Variants in SLC9A9 observed in about 807,000 individuals in gnomAD.
SLC9A9 encodes the protein solute carrier family 9 member A9.
A neutral mutation model predicts 77.8 loss-of-function variants in SLC9A9; 62 were observed. The observed-to-expected ratio is 0.80, with a 90% confidence interval of 0.65 to 0.98. The LOEUF (loss-of-function observed/expected upper bound fraction) is 0.98. Among genes scored for constraint, SLC9A9 ranks in the 50% least tolerant of loss-of-function variants. The pLI is 0.00. For missense variants in SLC9A9, 775 were observed against 774.9 expected (o/e 1.00, Z 0.00); for synonymous variants, 320 against 283.5 (o/e 1.13, Z -1.29).
chr3:143,297,772 T>C (rs921154731), intron 14 of SLC9A9, among the ~76,000 whole-genome samples: 2 of 152,252 alleles, frequency 1.3e-5, no homozygotes, highest in Non-Finnish European at 2.9e-5. Context: ...ATGAAATTAA[T>C]TTTCTTTTTG....
intron 6 of SLC9A9, among the ~76,000 whole-genome samples, chr3:143,639,784 C>A (rs943866292): frequency 6.6e-6 from 1 of 152,066 alleles, no homozygotes; most frequent in African/African-American, 2.4e-5. Context: ...ACCATACAAC[C>A]CTCTGATATT....
intron 11 of SLC9A9, among the ~76,000 whole-genome samples, chr3:143,487,092 A>G (rs1421735106): frequency 6.6e-6 from 1 of 152,004 alleles, no homozygotes; most frequent in East Asian, 1.9e-4. Flanking sequence ...AAGATATTCC[A>G]TGAAAATACT....
chr3:143,695,249 A>G (rs55709922), intron 4 of SLC9A9, among the ~76,000 whole-genome samples: 1,577 of 152,220 alleles, frequency 0.01, 33 homozygotes, highest in African/African-American at 0.036. Flanking sequence ...GGTTTGTTAC[A>G]TAAGTATATA....
chr3:143,554,416 C>T (rs2036943655), intron 8 of SLC9A9, among the ~76,000 whole-genome samples: 1 of 152,102 alleles, frequency 6.6e-6, no homozygotes, highest in Non-Finnish European at 1.5e-5. Flanking sequence ...CTAAGTGCAC[C>T]TCTCACTGCA....
At position 143,842,368 on chromosome 3, in the gene SLC9A9, G is replaced by A. The variant is rs561872752; in HGVS notation, c.175+5780C>T. On this transcript the variant is annotated intron_variant, in intron 1 of 15. Coordinates refer to ENST00000316549, the MANE Select transcript of SLC9A9 (RefSeq NM_173653.4). The stretch of plus-strand genomic sequence containing the variant: ...TGTACTCTAGCCTGGGTGACAGAGC[G>A]AGACTCCGTCTCAAAAAAGCAAACA... 3.8e-3 allele frequency among the ~76,000 whole-genome samples: 574 copies of A among 152,216 alleles called. 5 individuals are homozygous for A. The highest frequency in any genetic ancestry group is 0.013 in the African/African-American group (550 of 41,532).
chr3:143,363,355 T>C, intron 14 of SLC9A9, 129 bp downstream of exon 14: 1 of 837,016 alleles, frequency 1.2e-6, no homozygotes. Flanking sequence ...TTTTTATAAG[T>C]TTGGCTGTGA....
rs181965385 is a variant in SLC9A9 at position 143,730,358 on chromosome 3, T to C, written c.534-37051A>G. On this transcript the variant is annotated intron_variant, in intron 4 of 15. Coordinates refer to ENST00000316549, the MANE Select transcript of SLC9A9 (RefSeq NM_173653.4). ...CTCATCTCTTTTTCTGGTTCAGCAT[T>C]CTCTGGTCTTCCCTTATGATGCAGA... is the stretch of plus-strand genomic sequence containing the variant. Among the ~76,000 whole-genome samples, 894 of 152,372 alleles carry C rather than the reference T, an allele frequency of 5.9e-3. 6 individuals are homozygous for C. The highest frequency in any genetic ancestry group is 0.01 in the Non-Finnish European group (695 of 68,044).
chr3:143,815,492 T>C (rs2008981664), intron 2 of SLC9A9, among the ~76,000 whole-genome samples: 2 of 152,058 alleles, frequency 1.3e-5, no homozygotes, highest in East Asian at 1.9e-4. Context: ...TTTGACACAC[T>C]GTGAAGCCCC....
At chr3:143,276,076 C>G (rs1322059919) in intron 14 of SLC9A9, among the ~76,000 whole-genome samples, 1 of 152,100 alleles carries the variant, frequency 6.6e-6, no homozygotes, top group Non-Finnish European at 1.5e-5. Flanking sequence ...CTGCTCAATT[C>G]TAATTCCTCC....
intron 9 of SLC9A9, among the ~76,000 whole-genome samples, chr3:143,505,019 GA>G (rs1327452784): frequency 6.6e-6 from 1 of 152,040 alleles, no homozygotes; most frequent in Non-Finnish European, 1.5e-5. Context: ...TTGATCATCG[GA>G]ACAAGTCAGG....
At chr3:143,303,888 T>C (rs1232460731) in intron 14 of SLC9A9, among the ~76,000 whole-genome samples, 3 of 152,220 alleles carry the variant, frequency 2.0e-5, no homozygotes, top group African/African-American at 7.2e-5. Flanking sequence ...CCTAAAAAGA[T>C]GACTTAAAAC....
chr3:143,371,151 A>G (rs2033049655), intron 13 of SLC9A9, among the ~76,000 whole-genome samples: 1 of 152,178 alleles, frequency 6.6e-6, no homozygotes, highest in Non-Finnish European at 1.5e-5. Flanking sequence ...GTTGAGGTTC[A>G]CAAAGGCTTA....
At chr3:143,825,680 C>A (rs908056943) in intron 2 of SLC9A9, among the ~76,000 whole-genome samples, 1 of 152,166 alleles carries the variant, frequency 6.6e-6, no homozygotes, top group Non-Finnish European at 1.5e-5. Flanking sequence ...CTTCCTTTAC[C>A]AAGCGATAGT....
chr3:143,582,528 T>C (rs73001742), intron 6 of SLC9A9, among the ~76,000 whole-genome samples: 5,376 of 152,212 alleles, frequency 0.035, 310 homozygotes, highest in African/African-American at 0.12. Context: ...GTGACTGCCC[T>C]CAGGGCACAC....
intron 9 of SLC9A9, chr3:143,517,240 T>G (rs2036216610): frequency 7.9e-7 from 1 of 1,267,374 alleles, no homozygotes. Flanking sequence ...CCACCATAAC[T>G]TCTGGATCCT....
intron 2 of SLC9A9, among the ~76,000 whole-genome samples, chr3:143,811,588 A>G (rs1169498400): frequency 1.3e-5 from 2 of 152,122 alleles, no homozygotes; most frequent in African/African-American, 4.8e-5. Context: ...GCTCACACCT[A>G]TAATCCCAGT....
At chr3:143,409,670 C>T (rs926919033) in intron 12 of SLC9A9, among the ~76,000 whole-genome samples, 3 of 152,196 alleles carry the variant, frequency 2.0e-5, no homozygotes, top group African/African-American at 7.2e-5. Context: ...ATTTTCTCTG[C>T]CTGGTTCTGT....
Position 143,529,440 on chromosome 3 carries a change from G to A in SLC9A9, c.1089+22922C>T, listed in dbSNP as rs960533179. 3.3e-5 allele frequency among the ~76,000 whole-genome samples: 5 copies of A among 152,226 alleles called. No homozygotes were observed. In the East Asian group the frequency reaches 5.8e-4, roughly 18 times the overall value. On this transcript the variant is annotated intron_variant, in intron 9 of 15. Coordinates refer to ENST00000316549, the MANE Select transcript of SLC9A9 (RefSeq NM_173653.4). ...CTCTAGGGGTGTGGATAAAACAAGG[G>A]CATTATGAAGTTTTGTTTAGGGAAT...
chr3:143,505,705 C>T (rs1262069412), intron 9 of SLC9A9, among the ~76,000 whole-genome samples: 1 of 152,246 alleles, frequency 6.6e-6, no homozygotes, highest in South Asian at 2.1e-4. Flanking sequence ...AAAAGCACAG[C>T]CTATAAAAAC....
Sources: gnomAD v4.1 joint callset for allele counts (sites outside exome capture counted in the v4.1 genomes callset) on GRCh38, gnomAD v4.1.1 for gene constraint, MANE v1.5 for transcripts, NCBI Gene and HGNC (gene_info 2026-07-23, HGNC 2026-07-21) for gene names.